The following FUNDC2 variants were observed in gnomAD, a reference collection of about 807,000 sequenced individuals.
The protein encoded by FUNDC2 is FUN14 domain containing 2, also known as FUN14 domain-containing protein 2.
In FUNDC2, 4 loss-of-function variants were observed where a neutral mutation model predicts 15.6. The observed-to-expected ratio is 0.26, with a 90% confidence interval of 0.13 to 0.59. The LOEUF (loss-of-function observed/expected upper bound fraction) is 0.59. Ranked by LOEUF, FUNDC2 falls within the 20% of genes least tolerant of loss-of-function variation. The pLI is 0.90. For missense variants in FUNDC2, 98 were observed against 149.7 expected, an observed-to-expected ratio of 0.65 and a Z score of 1.80; for synonymous variants, 44 against 56.9, an observed-to-expected ratio of 0.77 and a Z score of 1.02.
chrX:155,031,553 C>T (rs1557288746), intron 1 of FUNDC2, among the ~76,000 whole-genome samples: 1 of 112,459 alleles, frequency 8.9e-6, no homozygotes, highest in Non-Finnish European at 1.9e-5. Flanking sequence ...TGGTCTTGAA[C>T]TCCAGACTTC....
chrX:155,041,127 A>G (rs1179445459), intron 2 of FUNDC2, among the ~76,000 whole-genome samples: 3 of 111,068 alleles, frequency 2.7e-5, no homozygotes, highest in Non-Finnish European at 5.7e-5. Context: ...TATTTTCATA[A>G]TTATGTCCTT....
intron 4 of FUNDC2, chrX:155,053,965 C>T: frequency 4.0e-6 from 3 of 753,596 alleles, no homozygotes; most frequent in Non-Finnish European, 4.7e-6. Flanking sequence ...TGCACTGAGT[C>T]TCAGATGACC....
intron 4 of FUNDC2, chrX:155,053,779 G>C: frequency 1.3e-6 from 1 of 742,546 alleles, no homozygotes; most frequent in South Asian, 6.9e-5. Context: ...GAAATGATCA[G>C]GCCAGGATGT....
intron 2 of FUNDC2, among the ~76,000 whole-genome samples, chrX:155,042,580 A>G (rs1206391531): frequency 9.0e-6 from 1 of 111,519 alleles, no homozygotes; most frequent in African/African-American, 3.3e-5. Flanking sequence ...TTGTCCTTCA[A>G]ATATTTTTTT....
chrX:155,034,652 TA>T (rs1173377689), intron 2 of FUNDC2, among the ~76,000 whole-genome samples: 2 of 112,297 alleles, frequency 1.8e-5, no homozygotes, highest in Non-Finnish European at 3.8e-5. Flanking sequence ...CCTGTTGTTC[TA>T]CATGGTGGCA....
rs1359715907 is a variant in FUNDC2 at position 155,056,277 on chromosome X, A to C, written c.*1605A>C. On this transcript the variant is annotated 3_prime_UTR_variant, in exon 5 of 5. Transcript: ENST00000369498. ...TGGTTTTTACCAGTTATTGTGAAAC[A>C]AATATCAAAATGTCATTTTATCATA... The C allele has an allele frequency of 8.9e-6, 1 of 112,135 alleles. No individual in the cohort carries two copies. The highest frequency in any genetic ancestry group is 1.9e-5 in the Non-Finnish European group (1 of 53,257). 9.2% of individuals were successfully genotyped at this position (112,135 alleles called of 1,213,427 possible).
intron 3 of FUNDC2, chrX:155,050,716 ACTTTTTC>A (rs2073877197): frequency 8.9e-6 from 1 of 112,063 alleles, no homozygotes; most frequent in African/African-American, 3.2e-5. Context: ...GTGAAGTTGA[ACTTTTTC>A]CTTTTTGTGG....
chrX:155,044,888 C>G (rs1330619851), intron 2 of FUNDC2, among the ~76,000 whole-genome samples: 1 of 112,061 alleles, frequency 8.9e-6, no homozygotes, highest in African/African-American at 3.2e-5. Context: ...AAATCACCAC[C>G]TCATAAAGAT....
At chrX:155,032,406 A>T (rs1315767542) in intron 1 of FUNDC2, among the ~76,000 whole-genome samples, 2 of 103,835 alleles carry the variant, frequency 1.9e-5, no homozygotes, top group Admixed American at 1.1e-4. Flanking sequence ...CCTCCCGAGT[A>T]GCTAGGATTA....
chrX:155,055,051 A>G lies in FUNDC2; in HGVS notation c.*379A>G, dbSNP rs2073889836. On this transcript the variant is annotated 3_prime_UTR_variant, in exon 5 of 5. Transcript: ENST00000369498. ...ATTTGGAAAAGAAATAAGCACATAG[A>G]TAACCTTATTGTGTGCTGCATGGAA... is the stretch of plus-strand genomic sequence containing the variant. The G allele has an allele frequency of 3.2e-6, 1 of 317,149 alleles. No homozygotes were observed. Among genetic ancestry groups the G allele is most frequent in the African/African-American group, 2.7e-5 (1 of 37,724 alleles). The allele number at this position is 317,149 out of a possible 1,213,427, so 26.1% of individuals were successfully genotyped here.
At chrX:155,044,712 T>C (rs1352758242) in intron 2 of FUNDC2, among the ~76,000 whole-genome samples, 2 of 111,808 alleles carry the variant, frequency 1.8e-5, no homozygotes, top group Non-Finnish European at 3.8e-5. Flanking sequence ...CAAGAGATAA[T>C]TGTTGATGAG....
chrX:155,030,661 C>T (rs2073811801), intron 1 of FUNDC2, among the ~76,000 whole-genome samples: 1 of 106,999 alleles, frequency 9.3e-6, no homozygotes, highest in Admixed American at 1.0e-4. Flanking sequence ...TTGAAGAAAT[C>T]CCTTTCTATT....
Position 155,057,039 on chromosome X carries a change from TCCTG to T in FUNDC2, c.*2369_*2372del, listed in dbSNP as rs2073906483. ...AGGTCAGTATTGCAGGTTGGCCTCA[TCCTG>T]CTAGTATGAGAACGGCTGTGAGTTC... On this transcript the variant is annotated 3_prime_UTR_variant, in exon 5 of 5. Coordinates refer to ENST00000369498, the MANE Select transcript of FUNDC2 (RefSeq NM_023934.4). 1.0e-5 allele frequency: 1 copy of T among 95,628 alleles called. No individual in the cohort carries two copies. Among genetic ancestry groups the T allele is most frequent in the Non-Finnish European group, 2.2e-5 (1 of 44,697 alleles). The allele number at this position is 95,628 out of a possible 1,213,427, so 7.9% of individuals were successfully genotyped here. A position where few individuals can be genotyped will look rare whatever the true frequency, so the allele number is the denominator to read the frequency against.
chrX:155,032,606 T>C (rs1557288852), intron 1 of FUNDC2, among the ~76,000 whole-genome samples: 9 of 111,037 alleles, frequency 8.1e-5, no homozygotes, highest in Non-Finnish European at 1.7e-4. Flanking sequence ...ATTGAGTTAA[T>C]AAGTAGTACC....
chrX:155,040,385 A>G (rs1557289442), intron 2 of FUNDC2, among the ~76,000 whole-genome samples: 1 of 112,027 alleles, frequency 8.9e-6, no homozygotes, highest in African/African-American at 3.2e-5. Context: ...TTCTGTCCTT[A>G]TGGATTGACC....
chrX:155,057,255 G>A lies in FUNDC2; in HGVS notation c.*2583G>A, dbSNP rs2073909458. 1 of 111,611 alleles carries A rather than the reference G, an allele frequency of 9.0e-6. No individual in the cohort carries two copies. Among genetic ancestry groups the A allele is most frequent in the Non-Finnish European group, 1.9e-5 (1 of 52,994 alleles). 9.2% of individuals were successfully genotyped at this position (111,611 alleles called of 1,213,427 possible). A position where few individuals can be genotyped will look rare whatever the true frequency, so the allele number is the denominator to read the frequency against. On this transcript the variant is annotated 3_prime_UTR_variant, in exon 5 of 5. Transcript: ENST00000369498. The stretch of plus-strand genomic sequence containing the variant: ...GCAGTTTTGTTTCAGGTGGTGAAGT[G>A]GGAGTTAAGGTTTCCCCCAAAAGAA...
chrX:155,038,249 C>T (rs1282660183), intron 2 of FUNDC2, among the ~76,000 whole-genome samples: 1 of 110,627 alleles, frequency 9.0e-6, no homozygotes, highest in African/African-American at 3.3e-5. Context: ...AACAAAACAG[C>T]AACACCAAAA....
At position 155,055,166 on chromosome X, in the gene FUNDC2, C is replaced by A. The variant is rs2073890217; in HGVS notation, c.*494C>A. On this transcript the variant is annotated 3_prime_UTR_variant, in exon 5 of 5. Coordinates refer to ENST00000369498, the MANE Select transcript of FUNDC2 (RefSeq NM_023934.4). ...TTAGTTGGTTTTACATTACAGAAAG[C>A]TATTTAAATGTGTTATAATTATGCC... is the stretch of plus-strand genomic sequence containing the variant. 3.4e-6 allele frequency: 1 copy of A among 296,944 alleles called. No individual in the cohort carries two copies. Among genetic ancestry groups the A allele is most frequent in the Admixed American group, 6.1e-5 (1 of 16,521 alleles). 24.5% of individuals were successfully genotyped at this position (296,944 alleles called of 1,213,427 possible). A position where few individuals can be genotyped will look rare whatever the true frequency, so the allele number is the denominator to read the frequency against.
intron 2 of FUNDC2, among the ~76,000 whole-genome samples, chrX:155,036,530 C>G (rs2124188448): frequency 8.9e-6 from 1 of 112,087 alleles, no homozygotes; most frequent in East Asian, 2.8e-4. Context: ...GTAGCTCCAG[C>G]TTTTGGTGTC....
Sources: gnomAD v4.1 joint callset for allele counts (sites outside exome capture counted in the v4.1 genomes callset) on GRCh38, gnomAD v4.1.1 for gene constraint, MANE v1.5 for transcripts, NCBI Gene and HGNC (gene_info 2026-07-23, HGNC 2026-07-21) for gene names.